The following NCOA3 variants were observed in gnomAD, a reference collection of about 807,000 sequenced individuals.
The protein encoded by NCOA3 is nuclear receptor coactivator 3.
NCOA3 carries 51 observed loss-of-function variants against 158.8 expected under a neutral mutation model. That is an observed-to-expected ratio of 0.32 (90% CI 0.26 to 0.41). The LOEUF (loss-of-function observed/expected upper bound fraction) is 0.41, where lower values mean the gene tolerates loss of function less well. Ranked by LOEUF, NCOA3 falls within the 10% of genes least tolerant of loss-of-function variation. The probability of loss-of-function intolerance (pLI) is 1.00; values close to 1 mark genes in which losing one functional copy is unlikely to be tolerated. For missense variants in NCOA3, 1,510 were observed against 1,746.6 expected, an observed-to-expected ratio of 0.86 and a Z score of 2.41; for synonymous variants, 537 against 592.4, an observed-to-expected ratio of 0.91 and a Z score of 1.36.
At chr20:47,530,751 C>A (rs2084531951) in intron 1 of NCOA3, among the ~76,000 whole-genome samples, 1 of 152,166 alleles carries the variant, frequency 6.6e-6, no homozygotes, top group Non-Finnish European at 1.5e-5. Flanking sequence ...AGGCGTGGGC[C>A]ACTGCGCCTG....
intron 17 of NCOA3, among the ~76,000 whole-genome samples, chr20:47,643,164 T>C (rs1483717632): frequency 1.3e-5 from 2 of 152,262 alleles, no homozygotes; most frequent in African/African-American, 4.8e-5. Flanking sequence ...TCCACTCGCC[T>C]TGGCCTCCCA....
intron 2 of NCOA3, among the ~76,000 whole-genome samples, chr20:47,609,677 C>T (rs1280702986): frequency 5.4e-5 from 8 of 148,334 alleles, no homozygotes; most frequent in African/African-American, 7.7e-5. Context: ...TGTGGTGAGC[C>T]GAGATTGCAC....
intron 1 of NCOA3, among the ~76,000 whole-genome samples, chr20:47,513,701 G>A (rs1306592060): frequency 7.6e-6 from 1 of 132,250 alleles, no homozygotes; most frequent in Non-Finnish European, 1.5e-5. Flanking sequence ...ACTCCAGCCC[G>A]ATGGAGCAAG....
At chr20:47,645,170 A>C (rs1418404818) in intron 17 of NCOA3, among the ~76,000 whole-genome samples, 1 of 152,154 alleles carries the variant, frequency 6.6e-6, no homozygotes, top group Non-Finnish European at 1.5e-5. Context: ...GCTAAATATA[A>C]AATTTCCTGT....
At chr20:47,512,069 C>CT (rs2084150963) in intron 1 of NCOA3, among the ~76,000 whole-genome samples, 2 of 151,630 alleles carry the variant, frequency 1.3e-5, no homozygotes, top group African/African-American at 4.8e-5. Context: ...AATATCAATA[C>CT]TTTGAGAGGC....
chr20:47,520,181 C>T (rs193220469), intron 1 of NCOA3, among the ~76,000 whole-genome samples: 1 of 151,338 alleles, frequency 6.6e-6, no homozygotes, highest in Non-Finnish European at 1.5e-5. Flanking sequence ...GTTACAGGGT[C>T]ACAGAGAAGA....
At chr20:47,568,056 G>A (rs1006782553) in intron 1 of NCOA3, among the ~76,000 whole-genome samples, 3 of 152,114 alleles carry the variant, frequency 2.0e-5, no homozygotes, top group African/African-American at 7.2e-5. Flanking sequence ...AGACATACAG[G>A]CCACTATTTT....
chr20:47,515,468 CTTTCTTTTT>C (rs2084217461), intron 1 of NCOA3, among the ~76,000 whole-genome samples: 1 of 143,146 alleles, frequency 7.0e-6, no homozygotes, highest in Admixed American at 7.0e-5. Flanking sequence ...CTTTTTCTTT[CTTTCTTTTT>C]TTTTTTTTTT....
At position 47,635,863 on chromosome 20, in the gene NCOA3, C is replaced by A. The variant is rs2086504448; in HGVS notation, c.1505-28C>A. ...TGTTACAGTGTCTGGTAGTCTAATT[C>A]TTTTCCTAAATTTTTTTTCAAATTC... On this transcript the variant is annotated intron_variant, in intron 11 of 22. Transcript: ENST00000371998. The A allele has an allele frequency of 2.6e-6, 4 of 1,565,876 alleles. No individual in the cohort carries two copies. The South Asian group carries it at 3.6e-5, about 14-fold the overall frequency.
intron 2 of NCOA3, among the ~76,000 whole-genome samples, chr20:47,606,480 G>GAA (rs767927199): frequency 6.8e-6 from 1 of 146,416 alleles, no homozygotes; most frequent in Non-Finnish European, 1.5e-5. Context: ...AGCTCATAAA[G>GAA]AAAAAAAAAA....
intron 2 of NCOA3, among the ~76,000 whole-genome samples, chr20:47,592,527 C>T (rs2143492): frequency 0.068 from 10,342 of 152,274 alleles, 453 homozygotes; most frequent in Non-Finnish European, 0.097. Flanking sequence ...TTCATTCCTA[C>T]AGCCCTGTGT....
intron 1 of NCOA3, among the ~76,000 whole-genome samples, chr20:47,551,591 A>C (rs2084927746): frequency 1.3e-5 from 2 of 152,174 alleles, no homozygotes; most frequent in South Asian, 4.1e-4. Context: ...TTTCTTTATG[A>C]AAGTGCAGGC....
At chr20:47,637,281 T>G (rs1022292412) in intron 12 of NCOA3, among the ~76,000 whole-genome samples, 5 of 152,228 alleles carry the variant, frequency 3.3e-5, no homozygotes, top group Non-Finnish European at 7.3e-5. Flanking sequence ...CATCCCAGCT[T>G]GCTCCTTTTA....
chr20:47,581,715 G>A (rs186246481), intron 1 of NCOA3, among the ~76,000 whole-genome samples: 1 of 152,346 alleles, frequency 6.6e-6, no homozygotes, highest in Admixed American at 6.5e-5. Context: ...ATAAGGTAAA[G>A]TGAATGTTCT....
intron 1 of NCOA3, among the ~76,000 whole-genome samples, chr20:47,574,026 T>G (rs879655836): frequency 5.9e-5 from 9 of 152,178 alleles, no homozygotes; most frequent in Non-Finnish European, 2.9e-5. Flanking sequence ...GTTTTTTTGT[T>G]GAAATTACTG....
chr20:47,617,406 G>GTTCC (rs2086156996), intron 2 of NCOA3, among the ~76,000 whole-genome samples: 1 of 152,262 alleles, frequency 6.6e-6, no homozygotes, highest in South Asian at 2.1e-4. Context: ...GGTAGTTACT[G>GTTCC]TTCCATGTTT....
In NCOA3 at chr20:47,647,167, C is replaced by T. The variant is rs1384974912; in HGVS notation, c.3347C>T (p.Pro1116Leu). ...QKAGLYGQTY[P>L]AQGPPMQGGF... ...GCAGGATTATATGGACAGACATACC[C>T]AGCACAGGGGCCTCCAATGCAAGGA... The change falls in exon 18 of 23, where the codon CCA becomes CTA. Residue 1116 changes from proline to leucine, a missense_variant. Around this residue, in one of 4 missense-constraint regions of NCOA3, gnomAD observed 1,017 missense variants for 1,098.3 expected, o/e 0.93. Transcript: ENST00000371998. The T allele has an allele frequency of 1.2e-6, 2 of 1,613,998 alleles. No homozygotes were observed. The highest frequency in any genetic ancestry group is 1.3e-5 in the African/African-American group (1 of 74,914).
At chr20:47,644,640 C>T (rs530444416) in intron 17 of NCOA3, among the ~76,000 whole-genome samples, 2 of 152,220 alleles carry the variant, frequency 1.3e-5, no homozygotes, top group African/African-American at 4.8e-5. Context: ...GTTGTCTTTA[C>T]TGAGGGTAAT....
chr20:47,537,399 A>C (rs1298393406), intron 1 of NCOA3, among the ~76,000 whole-genome samples: 1 of 147,714 alleles, frequency 6.8e-6, no homozygotes, highest in African/African-American at 2.5e-5. Context: ...AAGGTTATAG[A>C]ATGTAACTCA....
Sources: allele counts gnomAD v4.1 joint callset (sites outside exome capture counted in the v4.1 genomes callset), GRCh38; gene constraint gnomAD v4.1.1; regional missense constraint gnomAD v4.1.1; transcripts MANE v1.5; gene names NCBI Gene and HGNC (gene_info 2026-07-23, HGNC 2026-07-21).